Variants in JAZF1 observed in about 807,000 individuals in gnomAD.
JAZF1 encodes juxtaposed with another zinc finger protein 1.
In JAZF1, 8 loss-of-function variants were observed where a neutral mutation model predicts 26.4. The observed-to-expected ratio is 0.30, with a 90% CI of 0.18 to 0.55. JAZF1 has a LOEUF of 0.55. JAZF1 is among the 20% of genes least tolerant of loss of function. JAZF1 has a pLI of 0.94. For missense variants in JAZF1, 199 were observed against 322.0 expected, an observed-to-expected ratio of 0.62 and a Z score of 2.92; for synonymous variants, 126 against 122.3, an observed-to-expected ratio of 1.03 and a Z score of -0.20.
At chr7:27,869,520 C>T (rs1260959478) in intron 3 of JAZF1, among the ~76,000 whole-genome samples, 2 of 152,154 alleles carry the variant, frequency 1.3e-5, no homozygotes, top group African/African-American at 4.8e-5. Context: ...CCCCCTTCTC[C>T]TCCCCATGCT....
At position 27,991,896 on chromosome 7, in the gene JAZF1, G is replaced by C. The variant is rs1250862845; in HGVS notation, c.188+13C>G. 8.1e-6 allele frequency: 12 copies of C among 1,484,116 alleles called. 1 individual carries two copies. The Middle Eastern group carries it at 8.8e-4, about 109-fold the overall frequency. The allele number at this position is 1,484,116 out of a possible 1,614,324, so 91.9% of individuals were successfully genotyped here. On this transcript the variant is annotated intron_variant, in intron 2 of 4. Transcript: ENST00000283928. ...ATATAAGGTTGTTATAATAAATTCT[G>C]AAAATGGCTTACCTATTTATGTAAC...
At chr7:27,852,013 C>T (rs1290740951) in intron 3 of JAZF1, among the ~76,000 whole-genome samples, 1 of 151,844 alleles carries the variant, frequency 6.6e-6, no homozygotes, top group Admixed American at 6.6e-5. Flanking sequence ...AGTTATGGAC[C>T]CACACTGATG....
At chr7:28,123,272 C>T (rs1298568610) in intron 1 of JAZF1, among the ~76,000 whole-genome samples, 4 of 152,032 alleles carry the variant, frequency 2.6e-5, no homozygotes, top group Admixed American at 1.3e-4. Context: ...ACCCCTTCAT[C>T]GAAGTAAGTC....
chr7:28,113,521 C>G (rs1055094906), intron 1 of JAZF1, among the ~76,000 whole-genome samples: 3 of 152,166 alleles, frequency 2.0e-5, no homozygotes, highest in Admixed American at 6.5e-5. Context: ...CAGATACCTG[C>G]AGAAGAAAAT....
chr7:28,102,443 C>T (rs1217178477), intron 1 of JAZF1, among the ~76,000 whole-genome samples: 1 of 152,218 alleles, frequency 6.6e-6, no homozygotes, highest in Non-Finnish European at 1.5e-5. Flanking sequence ...GGCTTGTTCT[C>T]ATTGGCAGTC....
At chr7:28,092,370 A>AT (rs1289557854) in intron 1 of JAZF1, among the ~76,000 whole-genome samples, 3 of 144,428 alleles carry the variant, frequency 2.1e-5, no homozygotes, top group South Asian at 4.4e-4. Flanking sequence ...AAAAGATCTC[A>AT]TTTTTAGAAA....
At chr7:28,047,992 C>A (rs1300392693) in intron 1 of JAZF1, among the ~76,000 whole-genome samples, 1 of 152,100 alleles carries the variant, frequency 6.6e-6, no homozygotes, top group Non-Finnish European at 1.5e-5. Context: ...TGGAGGTGTA[C>A]AAATTACCAG....
At chr7:27,922,468 C>T (rs1036653604) in intron 2 of JAZF1, among the ~76,000 whole-genome samples, 4 of 152,048 alleles carry the variant, frequency 2.6e-5, no homozygotes, top group African/African-American at 7.2e-5. Context: ...AGGCTGGTCT[C>T]GAACTCCTGA....
chr7:27,943,997 C>T (rs145623883), intron 2 of JAZF1, among the ~76,000 whole-genome samples: 1 of 152,278 alleles, frequency 6.6e-6, no homozygotes, highest in African/African-American at 2.4e-5. Context: ...TTATTTTGTA[C>T]CACACTTCCC....
In JAZF1 at chr7:27,988,416, C is replaced by G. The variant is rs539479133; in HGVS notation, c.188+3493G>C. 2.0e-5 allele frequency among the ~76,000 whole-genome samples: 3 copies of G among 151,390 alleles called. No homozygotes were observed. In the East Asian group the frequency reaches 5.8e-4, roughly 29 times the overall value. On this transcript the variant is annotated intron_variant, in intron 2 of 4. Coordinates refer to ENST00000283928, the MANE Select transcript of JAZF1 (RefSeq NM_175061.4). ...TTGAGACAGTGTCTCCCCCCATTAC[C>G]CAGGCTGAAGTGCAGTGGTGCCATC...
chr7:28,156,964 C>A (rs1783194803), intron 1 of JAZF1, among the ~76,000 whole-genome samples: 1 of 152,204 alleles, frequency 6.6e-6, no homozygotes, highest in Non-Finnish European at 1.5e-5. Context: ...GGACTCCATA[C>A]TACGTATAAA....
chr7:27,949,225 G>C (rs763954970), intron 2 of JAZF1, among the ~76,000 whole-genome samples: 100 of 152,202 alleles, frequency 6.6e-4, no homozygotes, highest in Non-Finnish European at 9.7e-4. Context: ...GAGCTGAGAA[G>C]GGAAGGATTT....
chr7:27,912,934 G>A (rs761294205), intron 2 of JAZF1, among the ~76,000 whole-genome samples: 1 of 152,222 alleles, frequency 6.6e-6, no homozygotes, highest in South Asian at 2.1e-4. Flanking sequence ...CACTCACGGT[G>A]CTGATGATAC....
intron 1 of JAZF1, among the ~76,000 whole-genome samples, chr7:28,109,203 C>T (rs1217337149): frequency 6.6e-6 from 1 of 152,168 alleles, no homozygotes; most frequent in Non-Finnish European, 1.5e-5. Flanking sequence ...GAGGGCTGGT[C>T]TTCAATGTTT....
At chr7:28,119,108 C>T (rs928099634) in intron 1 of JAZF1, among the ~76,000 whole-genome samples, 1 of 152,108 alleles carries the variant, frequency 6.6e-6, no homozygotes, top group Admixed American at 6.6e-5. Context: ...AGGCAGTGGC[C>T]ATGCTGCTCC....
intron 2 of JAZF1, chr7:27,914,692 G>A: frequency 2.1e-6 from 1 of 470,814 alleles, no homozygotes; most frequent in South Asian, 1.5e-5. Context: ...CTCCCATATA[G>A]ATATAGCACT....
At chr7:28,153,172 A>T (rs964075140) in intron 1 of JAZF1, among the ~76,000 whole-genome samples, 2 of 152,178 alleles carry the variant, frequency 1.3e-5, no homozygotes, top group Admixed American at 6.5e-5. Flanking sequence ...CTCCAAGGGT[A>T]CACTACTTGG....
At chr7:28,173,130 C>G (rs539820408) in intron 1 of JAZF1, among the ~76,000 whole-genome samples, 20 of 152,322 alleles carry the variant, frequency 1.3e-4, no homozygotes, top group African/African-American at 4.8e-4. Flanking sequence ...TATTCAAAAA[C>G]GGCAAGGAAT....
At chr7:28,081,977 T>C (rs961504391) in intron 1 of JAZF1, among the ~76,000 whole-genome samples, 1 of 152,182 alleles carries the variant, frequency 6.6e-6, no homozygotes, top group Non-Finnish European at 1.5e-5. Flanking sequence ...CTGACAGTAA[T>C]ATTAAGGGGC....
Sources: allele counts gnomAD v4.1 joint callset (sites outside exome capture counted in the v4.1 genomes callset), GRCh38; gene constraint gnomAD v4.1.1; transcripts MANE v1.5; gene names NCBI Gene and HGNC (gene_info 2026-07-23, HGNC 2026-07-21).